The following RGS7 variants were observed in gnomAD, a reference collection of about 807,000 sequenced individuals.
RGS7 encodes the protein regulator of G-protein signaling 7.
RGS7 carries 27 observed loss-of-function variants against 81.1 expected under a neutral mutation model. The ratio of observed to expected loss-of-function variants is 0.33; its 90% CI spans 0.25 to 0.46. The LOEUF (loss-of-function observed/expected upper bound fraction) is 0.46. Among genes scored for constraint, RGS7 ranks in the 20% least tolerant of loss-of-function variants. The pLI, the probability that RGS7 is intolerant of heterozygous loss-of-function variation, is 1.00. For synonymous variants in RGS7, 208 were observed against 207.7 expected (o/e 1.00, Z -0.01); for missense variants, 396 against 607.4 (o/e 0.65, Z 3.66).
At chr1:240,876,148 T>C (rs113597343) in intron 6 of RGS7, among the ~76,000 whole-genome samples, 1,961 of 152,292 alleles carry the variant, frequency 0.013, 44 homozygotes, top group African/African-American at 0.042. Flanking sequence ...CTTCCACCCA[T>C]AGCTAGACAG....
At chr1:241,272,086 C>T (rs984568381) in intron 2 of RGS7, among the ~76,000 whole-genome samples, 22 of 151,786 alleles carry the variant, frequency 1.4e-4, no homozygotes, top group Non-Finnish European at 2.1e-4. Context: ...CTCCGCCTCC[C>T]GGGTTCACGC....
intron 3 of RGS7, among the ~76,000 whole-genome samples, chr1:241,005,787 G>A (rs1183632189): frequency 1.3e-5 from 2 of 152,110 alleles, no homozygotes; most frequent in Non-Finnish European, 2.9e-5. Flanking sequence ...CACCCGCCTT[G>A]GCCTCCCAAA....
At chr1:241,086,779 A>G (rs1477445635) in intron 3 of RGS7, among the ~76,000 whole-genome samples, 1 of 152,046 alleles carries the variant, frequency 6.6e-6, no homozygotes, top group East Asian at 1.9e-4. Context: ...ATCCCTCTGC[A>G]CTTTCCAAAC....
chr1:240,994,289 G>C (rs1201842924), intron 3 of RGS7, among the ~76,000 whole-genome samples: 1 of 152,024 alleles, frequency 6.6e-6, no homozygotes, highest in Non-Finnish European at 1.5e-5. Flanking sequence ...TTTTATACAA[G>C]GTTATTCTTC....
At chr1:241,230,010 A>G (rs1426776394) in intron 2 of RGS7, among the ~76,000 whole-genome samples, 4 of 152,206 alleles carry the variant, frequency 2.6e-5, no homozygotes, top group African/African-American at 7.2e-5. Flanking sequence ...TTCTGGCTAC[A>G]AGAGGAGGAG....
chr1:241,247,850 G>GA (rs768832804), intron 2 of RGS7, among the ~76,000 whole-genome samples: 115 of 152,170 alleles, frequency 7.6e-4, no homozygotes, highest in Admixed American at 1.5e-3. Flanking sequence ...GACCCAGCAT[G>GA]TAGGCTTTCC....
intron 2 of RGS7, among the ~76,000 whole-genome samples, chr1:241,175,292 T>C (rs546213667): frequency 6.6e-6 from 1 of 152,254 alleles, no homozygotes; most frequent in South Asian, 2.1e-4. Flanking sequence ...TCTCTAGCAT[T>C]TTTATAACAT....
chr1:241,266,659 T>C (rs1002557732), intron 2 of RGS7, among the ~76,000 whole-genome samples: 1 of 152,236 alleles, frequency 6.6e-6, no homozygotes, highest in Non-Finnish European at 1.5e-5. Flanking sequence ...CTGGGAGGTC[T>C]TCCGTAGTCT....
intron 3 of RGS7, among the ~76,000 whole-genome samples, chr1:241,013,492 C>T (rs563919933): frequency 3.3e-5 from 5 of 152,232 alleles, no homozygotes; most frequent in Admixed American, 1.3e-4. Context: ...TAAGAACTTG[C>T]GAGGGTTAAG....
In RGS7 at chr1:240,775,887, GAAAAAAAGAA is replaced by G. The variant is rs1015912502; in HGVS notation, c.*323_*332del. 2 of 398,152 alleles carry G rather than the reference GAAAAAAAGAA, an allele frequency of 5.0e-6. No homozygotes were observed. The highest frequency in any genetic ancestry group is 9.3e-6 in the Non-Finnish European group (2 of 214,410). 24.7% of individuals were successfully genotyped at this position (398,152 alleles called of 1,614,324 possible). ...TGAGAGAGAGAGAGAGAGAAAGAAGGAAAAAAAGAAAAGGTTTTACTTCACTTGAACTTGT... is the reference window on the plus strand; with the variant it reads ...TGAGAGAGAGAGAGAGAGAAAGAAGGAAGGTTTTACTTCACTTGAACTTGT... On this transcript the variant is annotated 3_prime_UTR_variant, in exon 19 of 19. Transcript: ENST00000440928.
At chr1:241,109,817 G>A (rs1348095535) in intron 2 of RGS7, among the ~76,000 whole-genome samples, 1 of 151,870 alleles carries the variant, frequency 6.6e-6, no homozygotes, top group African/African-American at 2.4e-5. Context: ...AATTAGCCGG[G>A]CTTAGTGTTG....
At chr1:241,124,096 CT>C (rs2066481457) in intron 2 of RGS7, among the ~76,000 whole-genome samples, 1 of 152,104 alleles carries the variant, frequency 6.6e-6, no homozygotes, top group Admixed American at 6.6e-5. Flanking sequence ...GAGAGTATCC[CT>C]CTTAAGAAGA....
rs150409211 is a variant in RGS7 at position 240,982,504 on chromosome 1, C to G, written c.226+575G>C. Among the ~76,000 whole-genome samples, 15 of 148,342 alleles carry G rather than the reference C, an allele frequency of 1.0e-4. No individual in the cohort carries two copies. In the East Asian group the frequency reaches 3.0e-3, roughly 30 times the overall value. On this transcript the variant is annotated intron_variant, in intron 4 of 18. Coordinates refer to ENST00000440928, the MANE Select transcript of RGS7 (RefSeq NM_001364886.1). ...TGTTCCAGGCAATGCAAAGTGTGAA[C>G]TCATAAAAATTGTTCCCTTACTTTG... is the stretch of plus-strand genomic sequence containing the variant.
intron 2 of RGS7, among the ~76,000 whole-genome samples, chr1:241,221,089 AAGAAAGG>A (rs1459497530): frequency 1.1e-4 from 15 of 141,780 alleles, no homozygotes; most frequent in East Asian, 7.1e-4. Flanking sequence ...GGAAGGAAGG[AAGAAAGG>A]AAGGAAGGAA....
chr1:241,221,194 A>C (rs12727237), intron 2 of RGS7, among the ~76,000 whole-genome samples: 19 of 151,932 alleles, frequency 1.3e-4, no homozygotes, highest in Admixed American at 3.9e-4. Flanking sequence ...GAGAGAAAGA[A>C]AGAGAAAGAA....
chr1:241,085,148 T>A (rs369997053), intron 3 of RGS7, among the ~76,000 whole-genome samples: 1 of 152,202 alleles, frequency 6.6e-6, no homozygotes, highest in East Asian at 1.9e-4. Context: ...GGAAGCATAG[T>A]AACTTTCCAA....
intron 9 of RGS7, among the ~76,000 whole-genome samples, chr1:240,841,499 C>T (rs1453374426): frequency 6.6e-6 from 1 of 152,124 alleles, no homozygotes. Context: ...ATGAGAAAAA[C>T]CTGGATTCAA....
chr1:240,888,518 C>T, intron 6 of RGS7, among the ~76,000 whole-genome samples: 1 of 152,134 alleles, frequency 6.6e-6, no homozygotes, highest in East Asian at 1.9e-4. Flanking sequence ...ACGCAGTTGG[C>T]TATCATTGCT....
intron 3 of RGS7, among the ~76,000 whole-genome samples, chr1:241,088,976 A>AGACTGCGC (rs1558699910): frequency 6.9e-6 from 1 of 145,396 alleles, no homozygotes; most frequent in African/African-American, 2.6e-5. Flanking sequence ...GCGCGAGTTG[A>AGACTGCGC]GACTGCGCGA....
Sources: gnomAD v4.1 joint callset for allele counts (sites outside exome capture counted in the v4.1 genomes callset) on GRCh38, gnomAD v4.1.1 for gene constraint, MANE v1.5 for transcripts, NCBI Gene and HGNC (gene_info 2026-07-23, HGNC 2026-07-21) for gene names.